The following PAM variants were observed in gnomAD, a reference collection of about 807,000 sequenced individuals.
PAM encodes the protein peptidyl-glycine alpha-amidating monooxygenase.
Under a neutral mutation model 122.1 loss-of-function variants are expected in PAM, and 72 were observed. The observed-to-expected ratio is 0.59, with a 90% CI of 0.49 to 0.72. The LOEUF (loss-of-function observed/expected upper bound fraction) is 0.72, where lower values mean the gene tolerates loss of function less well. Ranked by LOEUF, PAM falls within the 30% of genes least tolerant of loss-of-function variation. The pLI, the probability that PAM is intolerant of heterozygous loss-of-function variation, is 0.00. For missense variants in PAM, 1,106 were observed against 1,183.7 expected, an observed-to-expected ratio of 0.93 and a Z score of 0.96; for synonymous variants, 389 against 404.4, an observed-to-expected ratio of 0.96 and a Z score of 0.46.
chr5:102,950,879 AG>A, intron 12 of PAM, 59 bp downstream of exon 12: 1 of 953,160 alleles, frequency 1.0e-6, no homozygotes, highest in Non-Finnish European at 1.7e-6. Context: ...GCATGATTAC[AG>A]GTGACAGCTA....
intron 4 of PAM, among the ~76,000 whole-genome samples, chr5:102,908,451 T>C (rs1039890172): frequency 6.6e-6 from 1 of 151,830 alleles, no homozygotes. Context: ...GACTTGGCGA[T>C]GCAGGCTCTT....
intron 21 of PAM, among the ~76,000 whole-genome samples, chr5:103,016,199 A>T (rs931169305): frequency 3.3e-5 from 5 of 152,174 alleles, no homozygotes; most frequent in African/African-American, 1.2e-4. Flanking sequence ...TGGCATGGCT[A>T]TCTCATTTTT....
intron 1 of PAM, among the ~76,000 whole-genome samples, chr5:102,800,436 A>G (rs1764406322): frequency 6.6e-6 from 1 of 152,200 alleles, no homozygotes; most frequent in South Asian, 2.1e-4. Flanking sequence ...CAAGTTCTCT[A>G]AGAGCAGTGG....
At chr5:102,858,598 A>G (rs1364014377) in intron 1 of PAM, among the ~76,000 whole-genome samples, 1 of 152,224 alleles carries the variant, frequency 6.6e-6, no homozygotes, top group Non-Finnish European at 1.5e-5. Context: ...AACATTACCT[A>G]ACTTTCAGAT....
chr5:102,822,979 C>T (rs1772463142), intron 1 of PAM, among the ~76,000 whole-genome samples: 2 of 152,158 alleles, frequency 1.3e-5, no homozygotes, highest in South Asian at 2.1e-4. Context: ...GATGTGCAAC[C>T]AAGAAACAAA....
At chr5:102,903,637 T>C (rs1221946070) in intron 4 of PAM, among the ~76,000 whole-genome samples, 1 of 151,508 alleles carries the variant, frequency 6.6e-6, no homozygotes, top group African/African-American at 2.4e-5. Context: ...TGCCAGACAC[T>C]GTAAGATACT....
chr5:102,783,066 A>T (rs1192155300), intron 1 of PAM, among the ~76,000 whole-genome samples: 1 of 152,032 alleles, frequency 6.6e-6, no homozygotes, highest in East Asian at 1.9e-4. Context: ...AAACTCAAAT[A>T]AGAGGTATTT....
chr5:102,774,895 T>C (rs951715375), intron 1 of PAM, among the ~76,000 whole-genome samples: 6 of 152,026 alleles, frequency 3.9e-5, no homozygotes, highest in Admixed American at 3.3e-4. Flanking sequence ...ATAAATTCAA[T>C]GTCTTCTCTT....
intron 1 of PAM, among the ~76,000 whole-genome samples, chr5:102,791,460 T>C (rs774964753): frequency 2.0e-5 from 3 of 152,074 alleles, no homozygotes; most frequent in Admixed American, 6.5e-5. Context: ...TTTTTGAACA[T>C]TTTTATATTA....
chr5:102,981,350 T>G (rs935459018), intron 15 of PAM, among the ~76,000 whole-genome samples: 1 of 152,222 alleles, frequency 6.6e-6, no homozygotes, highest in Non-Finnish European at 1.5e-5. Flanking sequence ...GGCCACTGAA[T>G]AGAAAGGTTC....
At chr5:102,777,400 C>G (rs1476142776) in intron 1 of PAM, among the ~76,000 whole-genome samples, 2 of 152,090 alleles carry the variant, frequency 1.3e-5, no homozygotes, top group Non-Finnish European at 2.9e-5. Flanking sequence ...GCCCTATTAT[C>G]TGTTCCCACT....
chr5:102,767,963 C>A (rs1336855473), intron 1 of PAM, among the ~76,000 whole-genome samples: 1 of 152,074 alleles, frequency 6.6e-6, no homozygotes, highest in Admixed American at 6.6e-5. Flanking sequence ...CAGACTCTGG[C>A]TTGGGGACCT....
chr5:102,970,692 A>T (rs936066764), intron 14 of PAM, among the ~76,000 whole-genome samples: 2 of 152,234 alleles, frequency 1.3e-5, no homozygotes, highest in Admixed American at 1.3e-4. Flanking sequence ...GAGAAGGTAC[A>T]GATACAGCCT....
intron 21 of PAM, among the ~76,000 whole-genome samples, chr5:103,011,400 ACT>A (rs1198200722): frequency 1.6e-5 from 2 of 124,854 alleles, no homozygotes; most frequent in Admixed American, 7.8e-5. Flanking sequence ...ACACACACAC[ACT>A]CTCTCTCTCT....
Position 102,973,047 on chromosome 5 carries a change from G to A in PAM, c.1163-1069G>A, listed in dbSNP as rs560318091. On this transcript the variant is annotated intron_variant, in intron 14 of 25. Coordinates refer to ENST00000438793, the MANE Select transcript of PAM (RefSeq NM_001177306.2). ...CCAGTTATCATTTTCATTTCCTAAT[G>A]GTCATGAAAAGAGATTTTATAAATG... 1.3e-3 allele frequency among the ~76,000 whole-genome samples: 191 copies of A among 152,090 alleles called. 1 individual carries two copies. Among genetic ancestry groups the A allele is most frequent in the Non-Finnish European group, 1.8e-3 (123 of 68,016 alleles).
At position 102,797,865 on chromosome 5, in the gene PAM, A is replaced by G. The variant is rs1282935922; in HGVS notation, c.-374+42517A>G. ...TCCTACTACTACTACTACTAATAAT[A>G]ACACACTTCAACCTACTCACTTTTC... On this transcript the variant is annotated intron_variant, in intron 1 of 25. Transcript: ENST00000438793. Among the ~76,000 whole-genome samples, 3 of 152,282 alleles carry G rather than the reference A, an allele frequency of 2.0e-5. No homozygotes were observed. In the East Asian group the frequency reaches 5.8e-4, roughly 29 times the overall value.
At chr5:102,775,392 C>T (rs1292075571) in intron 1 of PAM, among the ~76,000 whole-genome samples, 2 of 152,000 alleles carry the variant, frequency 1.3e-5, no homozygotes, top group African/African-American at 4.8e-5. Flanking sequence ...AGGTTTGTTA[C>T]ATAGGTAAAC....
chr5:102,929,465 G>T (rs1750698016), intron 7 of PAM, among the ~76,000 whole-genome samples: 1 of 152,134 alleles, frequency 6.6e-6, no homozygotes, highest in African/African-American at 2.4e-5. Flanking sequence ...TGGTGCCATT[G>T]TCAGGGAAGA....
chr5:102,997,726 G>C (rs1486818877), intron 16 of PAM, among the ~76,000 whole-genome samples: 3 of 152,176 alleles, frequency 2.0e-5, no homozygotes, highest in Non-Finnish European at 4.4e-5. Context: ...CTGGAAACTT[G>C]AAAGTTCTAT....
Sources: gnomAD v4.1 joint callset for allele counts (sites outside exome capture counted in the v4.1 genomes callset) on GRCh38, gnomAD v4.1.1 for gene constraint, MANE v1.5 for transcripts, NCBI Gene and HGNC (gene_info 2026-07-23, HGNC 2026-07-21) for gene names.